PLK5: variants seen among roughly 807,000 people sequenced by gnomAD.
PLK5 encodes the protein polo like kinase 5 (inactive).
In PLK5, 28 loss-of-function variants were observed where a neutral mutation model predicts 33.7. The ratio of observed to expected loss-of-function variants is 0.83; its 90% CI spans 0.62 to 1.14. PLK5 has a LOEUF of 1.14. PLK5 is among the 50% of genes most tolerant of loss of function. The pLI is 0.00. For missense variants in PLK5, 492 were observed against 461.5 expected, an observed-to-expected ratio of 1.07 and a Z score of -0.61; for synonymous variants, 225 against 202.2, an observed-to-expected ratio of 1.11 and a Z score of -0.96.
chr19:1,526,529 C>A lies in PLK5; in HGVS notation c.-269C>A. 1 of 286,910 alleles carries A rather than the reference C, an allele frequency of 3.5e-6. No individual in the cohort carries two copies. The highest frequency in any genetic ancestry group is 6.9e-6 in the Non-Finnish European group (1 of 144,734). The allele number at this position is 286,910 out of a possible 1,614,324, so 17.8% of individuals were successfully genotyped here. A position where few individuals can be genotyped will look rare whatever the true frequency, so the allele number is the denominator to read the frequency against. On this transcript the variant is annotated 5_prime_UTR_variant, in exon 4 of 14. Coordinates refer to ENST00000454744, the MANE Select transcript of PLK5 (RefSeq NM_001243079.2). The stretch of plus-strand genomic sequence containing the variant: ...AGGGCGCGGCAGATCCTGACGGAGC[C>A]AGAAGTGCGCGACTACCTGCGGGGC...
intron 10 of PLK5, 128 bp from the exon 11 acceptor site, chr19:1,529,619 A>G (rs927102063): frequency 5.0e-6 from 7 of 1,407,604 alleles, no homozygotes; most frequent in Admixed American, 2.0e-5. Context: ...CCGCCTGTCA[A>G]ATGGGAATGC....
chr19:1,531,631 G>T (rs935402610), intron 11 of PLK5, 107 bp from the exon 12 acceptor site: 2 of 1,351,926 alleles, frequency 1.5e-6, no homozygotes, highest in Non-Finnish European at 2.0e-6. Flanking sequence ...TCCGGTCCCC[G>T]CCGTGGGAAG....
At chr19:1,534,119 G>A (rs1914016452) in intron 13 of PLK5, 78 bp downstream of exon 13, 4 of 1,087,694 alleles carry the variant, frequency 3.7e-6, no homozygotes, top group Admixed American at 4.6e-5. Flanking sequence ...TACGGAGCAA[G>A]CTTTGGGGGA....
In PLK5 at chr19:1,526,622, G is replaced by A; in HGVS notation, c.-183+7G>A. The A allele has an allele frequency of 2.8e-6, 1 of 363,422 alleles. No individual in the cohort carries two copies. Among genetic ancestry groups the A allele is most frequent in the Admixed American group, 4.1e-5 (1 of 24,204 alleles). 22.5% of individuals were successfully genotyped at this position (363,422 alleles called of 1,614,324 possible). A position where few individuals can be genotyped will look rare whatever the true frequency, so the allele number is the denominator to read the frequency against. On this transcript the variant is annotated splice_region_variant and intron_variant, in intron 4 of 13. Transcript: ENST00000454744. ...CACCGCGACCTGAAGCTCAGTGAGT[G>A]CCAGGAAGGGGAACTGTGGGCGGGG... is the stretch of plus-strand genomic sequence containing the variant.
In PLK5 at chr19:1,534,923, C is replaced by A. The variant is rs139332951; in HGVS notation, c.826-142C>A. ...AGTGGAGCACTTGGCCTCCCGACCC[C>A]GAGTTCCTGTGGCTGGGGCAGGCAC... On this transcript the variant is annotated intron_variant, in intron 13 of 13. Coordinates refer to ENST00000454744, the MANE Select transcript of PLK5 (RefSeq NM_001243079.2). 129 of 762,268 alleles carry A rather than the reference C, an allele frequency of 1.7e-4. No homozygotes were observed. The African/African-American group carries it at 2.2e-3, about 13-fold the overall frequency. 47.2% of individuals were successfully genotyped at this position (762,268 alleles called of 1,614,324 possible).
intron 11 of PLK5, among the ~76,000 whole-genome samples, chr19:1,530,328 A>T (rs563705658): frequency 6.6e-6 from 1 of 151,304 alleles, no homozygotes; most frequent in Admixed American, 6.6e-5. Context: ...ACGGAATCTC[A>T]CTCTGTTGCC....
intron 12 of PLK5, among the ~76,000 whole-genome samples, chr19:1,532,413 C>A (rs1244112602): frequency 1.3e-5 from 2 of 152,028 alleles, no homozygotes; most frequent in Non-Finnish European, 2.9e-5. Context: ...GTGGTGCACA[C>A]CGGTAATCCT....
Position 1,528,556 on chromosome 19 carries a change from G to A in PLK5, c.328+128G>A, listed in dbSNP as rs183208101. 4.5e-4 allele frequency: 199 copies of A among 441,810 alleles called. 4 individuals carry two copies. The African/African-American group carries it at 7.7e-3, about 17-fold the overall frequency. The allele number at this position is 441,810 out of a possible 1,614,324, so 27.4% of individuals were successfully genotyped here. Reference sequence around the variant, plus strand: ...CTGCCCACGCCTCCCACCTGCCCACGCCTCCCACCTGCCCACGCCTCCCAC... The same window carrying A: ...CTGCCCACGCCTCCCACCTGCCCACACCTCCCACCTGCCCACGCCTCCCAC... On this transcript the variant is annotated intron_variant, in intron 8 of 13. Coordinates refer to ENST00000454744, the MANE Select transcript of PLK5 (RefSeq NM_001243079.2).
At chr19:1,527,064 C>A in intron 6 of PLK5, 66 bp downstream of exon 6, 1 of 1,376,618 alleles carries the variant, frequency 7.3e-7, no homozygotes, top group South Asian at 1.3e-5. Context: ...GGGGGGGAGC[C>A]TGCACGGAAC....
In PLK5 at chr19:1,524,708, T is replaced by C. The variant is rs1288208631; in HGVS notation, c.-544+462T>C. On this transcript the variant is annotated intron_variant, in intron 1 of 13. Transcript: ENST00000454744. The surrounding 1 kb of genome is among the most constrained non-coding windows in gnomAD (Gnocchi z 4.5). Reference sequence around the variant, plus strand: ...GTGTCCAGTCATTGTGTTGTGTGTCTGGGTGTTGTGTGTTCATGTGGTGTG... The same window carrying C: ...GTGTCCAGTCATTGTGTTGTGTGTCCGGGTGTTGTGTGTTCATGTGGTGTG... Among the ~76,000 whole-genome samples the C allele has an allele frequency of 6.6e-6, 1 of 151,908 alleles. No individual in the cohort carries two copies. The highest frequency in any genetic ancestry group is 6.6e-5 in the Admixed American group (1 of 15,254).
chr19:1,529,603 C>A, intron 10 of PLK5, 113 bp downstream of exon 10: 2 of 1,412,306 alleles, frequency 1.4e-6, no homozygotes, highest in Non-Finnish European at 9.7e-7. Context: ...CCCGGCCTCA[C>A]CTTTCCCGCC....
intron 11 of PLK5, among the ~76,000 whole-genome samples, chr19:1,530,728 TCCTGCCTCAGCCTC>T (rs891013136): frequency 6.9e-6 from 1 of 144,048 alleles, no homozygotes; most frequent in African/African-American, 2.6e-5. Flanking sequence ...CACGCCATTC[TCCTGCCTCAGCCTC>T]CCCAGCAGCT....
At position 1,534,060 on chromosome 19, in the gene PLK5, C is replaced by T. The variant is rs10406566; in HGVS notation, c.825+19C>T. ...GGTGCAGGTGAGCCCGGGGCTCAAA[C>T]TCGGGGCACTGGGGCTCGGCAGGGT... On this transcript the variant is annotated intron_variant, in intron 13 of 13. Transcript: ENST00000454744. 2 of 1,525,326 alleles carry T rather than the reference C, an allele frequency of 1.3e-6. No homozygotes were observed. Among genetic ancestry groups the T allele is most frequent in the South Asian group, 1.2e-5 (1 of 83,716 alleles). The allele number at this position is 1,525,326 out of a possible 1,614,324, so 94.5% of individuals were successfully genotyped here.
At chr19:1,529,317 C>T in intron 9 of PLK5, 89 bp from the exon 10 acceptor site, 2 of 1,187,388 alleles carry the variant, frequency 1.7e-6, no homozygotes, top group Middle Eastern at 2.6e-4. Flanking sequence ...ACGGAGGGCA[C>T]AGGCAGGGGC....
In PLK5 at chr19:1,524,747, G is replaced by C. The variant is rs1409453084; in HGVS notation, c.-544+501G>C. Among the ~76,000 whole-genome samples, 1 of 151,120 alleles carries C rather than the reference G, an allele frequency of 6.6e-6. No homozygotes were observed. The highest frequency in any genetic ancestry group is 1.5e-5 in the Non-Finnish European group (1 of 67,976). The stretch of plus-strand genomic sequence containing the variant: ...TCATGTGGTGTGCTTGTGTGTTTGT[G>C]TGTTCATATGTGGTGTGTCTAGGAG... On this transcript the variant is annotated intron_variant, in intron 1 of 13. Coordinates refer to ENST00000454744, the MANE Select transcript of PLK5 (RefSeq NM_001243079.2). The surrounding 1 kb of genome is among the most constrained non-coding windows in gnomAD (Gnocchi z 4.5).
intron 10 of PLK5, 67 bp from the exon 11 acceptor site, chr19:1,529,680 G>A (rs981518033): frequency 1.2e-5 from 17 of 1,476,240 alleles, no homozygotes; most frequent in Middle Eastern, 1.7e-4. Context: ...TGGGGAGGGG[G>A]ACTGGTTGGA....
intron 12 of PLK5, chr19:1,533,580 A>T: frequency 2.1e-6 from 1 of 485,292 alleles, no homozygotes; most frequent in Non-Finnish European, 3.6e-6. Flanking sequence ...GAGGACAGAG[A>T]GCCGCACTGG....
At position 1,524,118 on chromosome 19, in the gene PLK5, G is replaced by C. The variant is rs973517491; in HGVS notation, c.-672G>C. 2.0e-5 allele frequency: 3 copies of C among 151,034 alleles called. No homozygotes were observed. The East Asian group carries it at 5.8e-4, about 29-fold the overall frequency. 9.4% of individuals were successfully genotyped at this position (151,034 alleles called of 1,614,324 possible). A position where few individuals can be genotyped will look rare whatever the true frequency, so the allele number is the denominator to read the frequency against. On this transcript the variant is annotated 5_prime_UTR_variant, in exon 1 of 14. Coordinates refer to ENST00000454744, the MANE Select transcript of PLK5 (RefSeq NM_001243079.2). This position sits in a 1 kb window ranked among gnomAD's most constrained non-coding sequence, Gnocchi z 4.5. Reference sequence around the variant, plus strand: ...GGCCGCAGCGCGGTGGTCTCGGCCCGGCTGCGCCAGAGTCCGCGCGATGGA... The same window carrying C: ...GGCCGCAGCGCGGTGGTCTCGGCCCCGCTGCGCCAGAGTCCGCGCGATGGA...
At position 1,525,427 on chromosome 19, in the gene PLK5, C is replaced by A. The variant is rs1240530012; in HGVS notation, c.-430+9C>A. The A allele has an allele frequency of 6.9e-6, 1 of 145,008 alleles. No individual in the cohort carries two copies. Among genetic ancestry groups the A allele is most frequent in the Non-Finnish European group, 1.5e-5 (1 of 66,024 alleles). 9.0% of individuals were successfully genotyped at this position (145,008 alleles called of 1,614,324 possible). The stretch of plus-strand genomic sequence containing the variant: ...TTCGCCCGCAGGGAAAGGTGCGTGT[C>A]CCCATCGGTCCCCAGGGCCCACAGT... On this transcript the variant is annotated intron_variant, in intron 2 of 13. Coordinates refer to ENST00000454744, the MANE Select transcript of PLK5 (RefSeq NM_001243079.2).
Sources: gnomAD v4.1 joint callset for allele counts (sites outside exome capture counted in the v4.1 genomes callset) on GRCh38, gnomAD v4.1.1 for gene constraint, Gnocchi (gnomAD v3.1) non-coding constraint, MANE v1.5 for transcripts, NCBI Gene and HGNC (gene_info 2026-07-23, HGNC 2026-07-21) for gene names.